SH3BGRL2: variants seen among roughly 807,000 people sequenced by gnomAD.
SH3BGRL2 encodes SH3 domain binding glutamate rich protein like 2, also known as SH3 domain-binding glutamic acid-rich-like protein 2.
Under a neutral mutation model 14.8 loss-of-function variants are expected in SH3BGRL2, and 21 were observed. The observed-to-expected ratio is 1.42, with a 90% CI of 1.01 to 2.05. The LOEUF is 2.05. Ranked by LOEUF, SH3BGRL2 falls within the 30% of genes most tolerant of loss-of-function variation. The pLI is 0.00. For missense variants in SH3BGRL2, 147 were observed against 130.8 expected, an observed-to-expected ratio of 1.12 and a Z score of -0.61; for synonymous variants, 50 against 47.8, an observed-to-expected ratio of 1.05 and a Z score of -0.19.
chr6:79,615,828 C>CTTTTTTTTTTTTT, the SH3BGRL2 span, among the ~76,000 whole-genome samples: 3 of 72,596 alleles, frequency 4.1e-5, no homozygotes, highest in Non-Finnish European at 5.7e-5. Context: ...TTTTTTTTTT[C>CTTTTTTTTTTTTT]TTTCTTTTTT....
the SH3BGRL2 span, among the ~76,000 whole-genome samples, chr6:79,576,447 G>A: frequency 6.6e-6 from 1 of 152,006 alleles, no homozygotes; most frequent in African/African-American, 2.4e-5. Flanking sequence ...TACAAGCATT[G>A]GTTAGCAGTC....
At chr6:79,539,345 C>A in the SH3BGRL2 span, among the ~76,000 whole-genome samples, 1 of 152,108 alleles carries the variant, frequency 6.6e-6, no homozygotes, top group Non-Finnish European at 1.5e-5. Flanking sequence ...TATTTCAGTA[C>A]CACACAGGAT....
At chr6:79,558,132 T>G in the SH3BGRL2 span, among the ~76,000 whole-genome samples, 1 of 152,182 alleles carries the variant, frequency 6.6e-6, no homozygotes, top group Admixed American at 6.5e-5. Flanking sequence ...AAGTGATATA[T>G]GTAAGGAAGG....
the SH3BGRL2 span, among the ~76,000 whole-genome samples, chr6:79,554,890 C>T: frequency 6.6e-6 from 1 of 151,902 alleles, no homozygotes; most frequent in East Asian, 2.0e-4. Flanking sequence ...ATTATATTAT[C>T]ATTATATACT....
At chr6:79,666,916 A>G (rs916550492) in intron 1 of SH3BGRL2, among the ~76,000 whole-genome samples, 1 of 152,222 alleles carries the variant, frequency 6.6e-6, no homozygotes, top group Non-Finnish European at 1.5e-5. Context: ...AAGTTACTAT[A>G]TTTTTGACAG....
rs201795364 is a variant in SH3BGRL2, at chr6:79,699,494, A to G, written c.313-4A>G. 550 of 425,018 alleles carry G rather than the reference A, an allele frequency of 1.3e-3. 2 individuals carry two copies. The highest frequency in any genetic ancestry group is 3.0e-3 in the Middle Eastern group (4 of 1,344). 26.3% of individuals were successfully genotyped at this position (425,018 alleles called of 1,614,324 possible). A position where few individuals can be genotyped will look rare whatever the true frequency, so the allele number is the denominator to read the frequency against. On this transcript the variant is annotated splice_polypyrimidine_tract_variant and splice_region_variant and intron_variant, in intron 3 of 3. Transcript: ENST00000369838. ...TTTTTTTTTTTTTTTTTTTTTTTTT[A>G]TAGGCAGAACCTTAGAGAAGAAGAG...
the SH3BGRL2 span, among the ~76,000 whole-genome samples, chr6:79,598,376 A>G: frequency 6.6e-6 from 1 of 152,250 alleles, no homozygotes; most frequent in Non-Finnish European, 1.5e-5. Context: ...CAAATGATGA[A>G]TGGATAAATA....
At chr6:79,595,297 A>G in the SH3BGRL2 span, among the ~76,000 whole-genome samples, 1 of 152,344 alleles carries the variant, frequency 6.6e-6, no homozygotes, top group African/African-American at 2.4e-5. Flanking sequence ...TCTTAAAAAA[A>G]AAAAGGAATC....
the SH3BGRL2 span, among the ~76,000 whole-genome samples, chr6:79,560,867 C>CTTTTTTTT: frequency 7.2e-4 from 33 of 45,784 alleles, 1 homozygote; most frequent in South Asian, 1.3e-3. Context: ...ACAATACACT[C>CTTTTTTTT]TTTTTTTTTT....
chr6:79,620,868 G>T, the SH3BGRL2 span, among the ~76,000 whole-genome samples: 1 of 152,086 alleles, frequency 6.6e-6, no homozygotes, highest in Non-Finnish European at 1.5e-5. Flanking sequence ...TGCTATCCAG[G>T]GAATCTAAGG....
the SH3BGRL2 span, among the ~76,000 whole-genome samples, chr6:79,594,713 C>T: frequency 1.3e-5 from 2 of 152,184 alleles, no homozygotes; most frequent in East Asian, 3.9e-4. Context: ...CAGCTGAGGA[C>T]CCTGGAGGAG....
rs1401017832 is a variant in SH3BGRL2, at chr6:79,702,159, C to A, written c.*2650C>A. On this transcript the variant is annotated 3_prime_UTR_variant, in exon 4 of 4. Coordinates refer to ENST00000369838, the MANE Select transcript of SH3BGRL2 (RefSeq NM_031469.4). ...AAGAGGAAAGCAAGGTATTTTTTCACCTCAGATTCTAATATATTCTAGATT... is the reference window on the plus strand; with the variant it reads ...AAGAGGAAAGCAAGGTATTTTTTCAACTCAGATTCTAATATATTCTAGATT... The A allele has an allele frequency of 6.6e-6, 1 of 152,438 alleles. No individual in the cohort carries two copies. Among genetic ancestry groups the A allele is most frequent in the African/African-American group, 2.4e-5 (1 of 41,410 alleles). The allele number at this position is 152,438 out of a possible 1,614,324, so 9.4% of individuals were successfully genotyped here.
At chr6:79,562,435 A>G in the SH3BGRL2 span, among the ~76,000 whole-genome samples, 1 of 152,202 alleles carries the variant, frequency 6.6e-6, no homozygotes, top group Non-Finnish European at 1.5e-5. Flanking sequence ...CTCCTAGGTC[A>G]TTTGGAATAT....
chr6:79,603,561 T>G, the SH3BGRL2 span, among the ~76,000 whole-genome samples: 1 of 152,100 alleles, frequency 6.6e-6, no homozygotes, highest in Non-Finnish European at 1.5e-5. Context: ...TGCACAGAGG[T>G]GAGAATATTC....
the SH3BGRL2 span, among the ~76,000 whole-genome samples, chr6:79,554,751 C>T: frequency 6.6e-6 from 1 of 152,090 alleles, no homozygotes; most frequent in Non-Finnish European, 1.5e-5. Flanking sequence ...GTACGAGTTA[C>T]TTAAAGTCCC....
intron 1 of SH3BGRL2, among the ~76,000 whole-genome samples, chr6:79,651,193 A>G (rs1194665295): frequency 5.9e-5 from 9 of 152,146 alleles, no homozygotes; most frequent in African/African-American, 2.2e-4. Context: ...TGTCTATAGA[A>G]AATACTATCC....
chr6:79,608,702 T>C, the SH3BGRL2 span, among the ~76,000 whole-genome samples: 1 of 152,212 alleles, frequency 6.6e-6, no homozygotes, highest in African/African-American at 2.4e-5. Context: ...TTGCATGTTT[T>C]TCAGACTTCA....
the SH3BGRL2 span, among the ~76,000 whole-genome samples, chr6:79,585,432 T>C: frequency 6.6e-6 from 1 of 152,372 alleles, no homozygotes; most frequent in Non-Finnish European, 1.5e-5. Flanking sequence ...TTATGAAAAT[T>C]ATTTGTAAAT....
chr6:79,633,817 T>A (rs1006146196), intron 1 of SH3BGRL2, among the ~76,000 whole-genome samples: 1 of 152,226 alleles, frequency 6.6e-6, no homozygotes, highest in Non-Finnish European at 1.5e-5. Flanking sequence ...GTTATGTTCA[T>A]ATGTAAGAAT....
Sources: allele counts gnomAD v4.1 joint callset (sites outside exome capture counted in the v4.1 genomes callset), GRCh38; gene constraint gnomAD v4.1.1; transcripts MANE v1.5; gene names NCBI Gene and HGNC (gene_info 2026-07-23, HGNC 2026-07-21).